Variants in CFAP54 observed in about 807,000 individuals in gnomAD.
CFAP54 encodes cilia and flagella associated protein 54, also known as cilia- and flagella-associated protein 54.
CFAP54 carries 290 observed loss-of-function variants against 370.4 expected under a neutral mutation model. The ratio of observed to expected loss-of-function variants is 0.78; its 90% CI spans 0.71 to 0.86. The LOEUF is 0.86. Among genes scored for constraint, CFAP54 ranks in the 40% least tolerant of loss-of-function variants. The probability of loss-of-function intolerance (pLI) is 0.00; values close to 1 mark genes in which losing one functional copy is unlikely to be tolerated. For synonymous variants in CFAP54, 1,206 were observed against 1,236.5 expected (o/e 0.98, Z 0.52); for missense variants, 3,399 against 3,528.7 (o/e 0.96, Z 0.93).
chr12:96,725,796 G>C (rs1007750626), intron 50 of CFAP54, among the ~76,000 whole-genome samples: 1 of 152,090 alleles, frequency 6.6e-6, no homozygotes, highest in East Asian at 1.9e-4. Flanking sequence ...CATTCAGTAT[G>C]ATATTGGCTG....
chr12:96,696,889 C>T (rs1362099204), intron 45 of CFAP54, among the ~76,000 whole-genome samples: 8 of 152,136 alleles, frequency 5.3e-5, no homozygotes. Flanking sequence ...AGAGAAAAGT[C>T]ATAGTCAGGA....
chr12:96,493,644 A>G (rs1406479833), intron 1 of CFAP54, among the ~76,000 whole-genome samples: 1 of 152,074 alleles, frequency 6.6e-6, no homozygotes, highest in Non-Finnish European at 1.5e-5. Context: ...TAAAAATACA[A>G]AAAATTAGTC....
intron 67 of CFAP54, among the ~76,000 whole-genome samples, chr12:96,873,190 T>C (rs1431402334): frequency 6.6e-6 from 1 of 152,066 alleles, no homozygotes; most frequent in Non-Finnish European, 1.5e-5. Flanking sequence ...AGAACATAAG[T>C]TTTGGGGAAT....
chr12:96,566,203 C>T (rs1955864026), intron 19 of CFAP54, among the ~76,000 whole-genome samples: 1 of 152,188 alleles, frequency 6.6e-6, no homozygotes, highest in Admixed American at 6.5e-5. Flanking sequence ...AATACACCTT[C>T]TTACCTCTGT....
chr12:96,611,881 A>G (rs929729988), intron 26 of CFAP54, among the ~76,000 whole-genome samples: 4 of 152,250 alleles, frequency 2.6e-5, no homozygotes, highest in Non-Finnish European at 4.4e-5. Flanking sequence ...CCTCCAAGAA[A>G]TATGGGACTA....
At position 96,708,729 on chromosome 12, in the gene CFAP54, T is replaced by C; in HGVS notation, c.6650T>C (p.Ile2217Thr). 1 of 1,612,468 alleles carries C rather than the reference T, an allele frequency of 6.2e-7. No homozygotes were observed. Among genetic ancestry groups the C allele is most frequent in the Non-Finnish European group, 8.5e-7 (1 of 1,179,506 alleles). Residue 2217 changes from isoleucine to threonine, a missense_variant, in exon 48 of 68, where the codon ATA (isoleucine) becomes ACA (threonine). Ile to Thr is a moderately conservative substitution (Grantham distance 89). Coordinates refer to ENST00000524981, the MANE Select transcript of CFAP54 (RefSeq NM_001306084.2). Reference protein sequence around the residue: ...AYFFLSVAATINCVPENKFKT... With the variant: ...AYFFLSVAATTNCVPENKFKT... The stretch of plus-strand genomic sequence containing the variant: ...TTTTTCCTAAGTGTGGCTGCGACAA[T>C]AAATTGTGTCCCAGAAAATAAATTT...
intron 65 of CFAP54, among the ~76,000 whole-genome samples, chr12:96,826,193 A>G (rs1414331568): frequency 6.8e-6 from 1 of 146,076 alleles, no homozygotes; most frequent in East Asian, 1.9e-4. Context: ...AAACTCCATT[A>G]TATCTAAGTT....
intron 66 of CFAP54, among the ~76,000 whole-genome samples, chr12:96,837,653 T>C (rs1959190550): frequency 6.6e-6 from 1 of 152,238 alleles, no homozygotes; most frequent in Admixed American, 6.5e-5. Context: ...CAGGAATGAC[T>C]CATGATACAT....
intron 24 of CFAP54, among the ~76,000 whole-genome samples, chr12:96,592,851 CCT>C (rs1198106051): frequency 1.3e-5 from 2 of 151,924 alleles, no homozygotes; most frequent in Non-Finnish European, 2.9e-5. Context: ...CTCTTTTCCC[CCT>C]GTGTGTAAAA....
chr12:96,795,016 G>A (rs1958745425), intron 63 of CFAP54, among the ~76,000 whole-genome samples: 1 of 152,164 alleles, frequency 6.6e-6, no homozygotes, highest in Non-Finnish European at 1.5e-5. Flanking sequence ...TCTCTTCTGG[G>A]TCTAGGCACC....
At chr12:96,641,509 A>G (rs571601593) in intron 32 of CFAP54, among the ~76,000 whole-genome samples, 3 of 152,066 alleles carry the variant, frequency 2.0e-5, no homozygotes, top group African/African-American at 4.8e-5. Flanking sequence ...CCTTTGTGGA[A>G]GTCAGTGTGG....
At chr12:96,652,205 T>C (rs1422438606) in intron 36 of CFAP54, among the ~76,000 whole-genome samples, 1 of 152,210 alleles carries the variant, frequency 6.6e-6, no homozygotes, top group African/African-American at 2.4e-5. Flanking sequence ...TCTATTATTC[T>C]GGTCTGCTAG....
intron 19 of CFAP54, among the ~76,000 whole-genome samples, chr12:96,569,469 C>T (rs1447936666): frequency 6.6e-6 from 1 of 152,174 alleles, no homozygotes; most frequent in Non-Finnish European, 1.5e-5. Flanking sequence ...TTCATTCATC[C>T]TCATAACTGT....
chr12:96,527,736 T>G (rs1300873681), intron 9 of CFAP54, among the ~76,000 whole-genome samples: 3 of 151,924 alleles, frequency 2.0e-5, no homozygotes, highest in Non-Finnish European at 4.4e-5. Context: ...ACCTGGCTAA[T>G]TTTTGTATTT....
chr12:96,820,723 T>C (rs1959023141), intron 65 of CFAP54, among the ~76,000 whole-genome samples: 1 of 152,220 alleles, frequency 6.6e-6, no homozygotes, highest in South Asian at 2.1e-4. Flanking sequence ...GGAGGTTTTA[T>C]GGCTATAACT....
At chr12:96,711,420 T>C (rs1957612425) in intron 48 of CFAP54, among the ~76,000 whole-genome samples, 1 of 152,198 alleles carries the variant, frequency 6.6e-6, no homozygotes, top group Non-Finnish European at 1.5e-5. Flanking sequence ...ACTACACTTA[T>C]GAGTTGGGAA....
chr12:96,648,743 C>T (rs183664092), intron 34 of CFAP54, among the ~76,000 whole-genome samples: 121 of 152,032 alleles, frequency 8.0e-4, no homozygotes, highest in African/African-American at 2.3e-3. Context: ...CACGTGCCAC[C>T]GCGCCTGGCT....
chr12:96,541,713 G>A (rs117913959), intron 14 of CFAP54, among the ~76,000 whole-genome samples: 3,135 of 152,234 alleles, frequency 0.021, 41 homozygotes, highest in Non-Finnish European at 0.032. Context: ...ATCTGACACA[G>A]CGCAGGAGAT....
intron 27 of CFAP54, 47 bp downstream of exon 27, chr12:96,621,768 CT>C: frequency 7.2e-7 from 1 of 1,381,034 alleles, no homozygotes; most frequent in Non-Finnish European, 9.5e-7. Context: ...TAGTTTGCAT[CT>C]TTTAGGGGTA....
Sources: gnomAD v4.1 joint callset for allele counts (sites outside exome capture counted in the v4.1 genomes callset) on GRCh38, gnomAD v4.1.1 for gene constraint, MANE v1.5 for transcripts, NCBI Gene and HGNC (gene_info 2026-07-23, HGNC 2026-07-21) for gene names.